KCNC2: variants seen among roughly 807,000 people sequenced by gnomAD.
KCNC2 encodes the protein potassium voltage-gated channel subfamily C member 2.
In KCNC2, 21 loss-of-function variants were observed where a neutral mutation model predicts 44.5. The ratio of observed to expected loss-of-function variants is 0.47; its 90% CI spans 0.33 to 0.68. The LOEUF (loss-of-function observed/expected upper bound fraction) is 0.68. Among genes scored for constraint, KCNC2 ranks in the 30% least tolerant of loss-of-function variants. The pLI is 0.01. For missense variants in KCNC2, 589 were observed against 826.2 expected (o/e 0.71, Z 3.52); for synonymous variants, 391 against 339.1 (o/e 1.15, Z -1.68).
intron 2 of KCNC2, among the ~76,000 whole-genome samples, chr12:75,177,865 A>G (rs1162944295): frequency 1.3e-5 from 2 of 152,128 alleles, no homozygotes; most frequent in South Asian, 2.1e-4. Context: ...ACATCTGTGT[A>G]AAAAGAATGG....
At chr12:75,179,451 A>G (rs1473463143) in intron 2 of KCNC2, among the ~76,000 whole-genome samples, 1 of 151,860 alleles carries the variant, frequency 6.6e-6, no homozygotes, top group Non-Finnish European at 1.5e-5. Context: ...GAAAAATCTC[A>G]TGTGATTGGA....
intron 2 of KCNC2, among the ~76,000 whole-genome samples, chr12:75,059,256 T>C (rs1413423819): frequency 6.6e-6 from 1 of 152,138 alleles, no homozygotes; most frequent in African/African-American, 2.4e-5. Context: ...AAGTTAACTA[T>C]ATCAACTGCT....
chr12:75,208,359 C>A (rs1465034618), intron 1 of KCNC2, among the ~76,000 whole-genome samples: 2 of 151,506 alleles, frequency 1.3e-5, no homozygotes, highest in East Asian at 3.9e-4. Flanking sequence ...CTGCTCCCAG[C>A]CCCTAACCCC....
chr12:75,047,319 G>A (rs1880640901), intron 4 of KCNC2, among the ~76,000 whole-genome samples: 1 of 151,902 alleles, frequency 6.6e-6, no homozygotes, highest in Non-Finnish European at 1.5e-5. Flanking sequence ...TTTACCAAAA[G>A]GGAATAAAAA....
At chr12:75,090,323 T>G (rs1171540793) in intron 2 of KCNC2, among the ~76,000 whole-genome samples, 1 of 151,650 alleles carries the variant, frequency 6.6e-6, no homozygotes, top group East Asian at 1.9e-4. Context: ...TTTTTCCTCT[T>G]CCTTCTCTTC....
At chr12:75,060,095 G>C (rs7970507) in intron 2 of KCNC2, among the ~76,000 whole-genome samples, 1 of 152,066 alleles carries the variant, frequency 6.6e-6, no homozygotes, top group African/African-American at 2.4e-5. Flanking sequence ...TCAAGAGAAC[G>C]TCAATTTACA....
chr12:75,119,076 G>A (rs1488948752), intron 2 of KCNC2, among the ~76,000 whole-genome samples: 1 of 152,094 alleles, frequency 6.6e-6, no homozygotes, highest in Non-Finnish European at 1.5e-5. Context: ...ATAAAACAAC[G>A]AACCAATTAA....
At chr12:75,115,462 T>A (rs1887591109) in intron 2 of KCNC2, among the ~76,000 whole-genome samples, 1 of 152,202 alleles carries the variant, frequency 6.6e-6, no homozygotes, top group African/African-American at 2.4e-5. Flanking sequence ...CTAAATTTCA[T>A]CTACTTCATT....
intron 2 of KCNC2, among the ~76,000 whole-genome samples, chr12:75,087,181 A>G (rs1292104249): frequency 1.3e-5 from 2 of 152,114 alleles, no homozygotes; most frequent in African/African-American, 4.8e-5. Flanking sequence ...TGTTCCTATA[A>G]GCCAAATGTG....
chr12:75,051,778 C>G (rs1054149808), intron 2 of KCNC2, among the ~76,000 whole-genome samples: 1 of 151,830 alleles, frequency 6.6e-6, no homozygotes, highest in African/African-American at 2.4e-5. Flanking sequence ...CCAAATTTAA[C>G]TGTAGATTTG....
In KCNC2 at chr12:75,050,471, C is replaced by A; in HGVS notation, c.1534G>T (p.Glu512Ter). The part of the protein sequence containing the change: ...QASSPTFCKT[E>*]LNMACNSTQS... ...GTACTATTGCAGGCCATATTTAATT[C>A]TGTCTTGCAAAAAGTAGGTGAGCTT... The change falls in exon 3 of 5, where the codon GAA becomes TAA. Residue 512 changes from glutamate (E) to a stop codon, truncating the protein, a stop_gained. Transcript: ENST00000549446. LOFTEE classifies it high-confidence loss of function. The A allele has an allele frequency of 1.2e-6, 2 of 1,613,592 alleles. No homozygotes were observed. Among genetic ancestry groups the A allele is most frequent in the Non-Finnish European group, 1.7e-6 (2 of 1,179,708 alleles).
At chr12:75,178,691 C>A (rs1171396558) in intron 2 of KCNC2, among the ~76,000 whole-genome samples, 1 of 151,948 alleles carries the variant, frequency 6.6e-6, no homozygotes, top group Non-Finnish European at 1.5e-5. Flanking sequence ...TAAAAATTTG[C>A]AGGAGTGCAG....
chr12:75,110,821 G>C (rs760988378), intron 2 of KCNC2, among the ~76,000 whole-genome samples: 7 of 151,938 alleles, frequency 4.6e-5, no homozygotes, highest in Non-Finnish European at 8.8e-5. Context: ...AAATATTCAG[G>C]AGCCAAACAA....
intron 2 of KCNC2, among the ~76,000 whole-genome samples, chr12:75,082,022 G>A (rs1884558785): frequency 6.6e-6 from 1 of 151,890 alleles, no homozygotes; most frequent in Non-Finnish European, 1.5e-5. Flanking sequence ...GTCTAAGCTT[G>A]AACAAGTTGC....
At chr12:75,177,779 A>G (rs575668296) in intron 2 of KCNC2, among the ~76,000 whole-genome samples, 1 of 152,172 alleles carries the variant, frequency 6.6e-6, no homozygotes, top group African/African-American at 2.4e-5. Context: ...ATTTACCTAC[A>G]AGAGAAATGG....
intron 2 of KCNC2, among the ~76,000 whole-genome samples, chr12:75,119,075 C>T (rs1383801212): frequency 3.9e-5 from 6 of 152,260 alleles, no homozygotes; most frequent in Middle Eastern, 3.4e-3. Context: ...AATAAAACAA[C>T]GAACCAATTA....
intron 2 of KCNC2, among the ~76,000 whole-genome samples, chr12:75,085,789 G>A (rs919686545): frequency 2.0e-5 from 3 of 151,744 alleles, no homozygotes; most frequent in African/African-American, 7.3e-5. Context: ...AACTGATTAT[G>A]TTTACTTTCC....
rs1468555188 is a variant in KCNC2 at position 75,095,293 on chromosome 12, ATTCATGGGT to A, written c.688-43985_688-43977del. Among the ~76,000 whole-genome samples, 4 of 151,914 alleles carry A rather than the reference ATTCATGGGT, an allele frequency of 2.6e-5. No individual in the cohort carries two copies. In the South Asian group the frequency reaches 8.3e-4, roughly 31 times the overall value. On this transcript the variant is annotated intron_variant, in intron 2 of 4. Transcript: ENST00000549446. Reference sequence around the variant, plus strand: ...TATTATATTCTCTTAGTTAGATCAAATTCATGGGTTTAGTTGCACAGGGCCCACACACAG... The same window carrying A: ...TATTATATTCTCTTAGTTAGATCAAATTAGTTGCACAGGGCCCACACACAG...
chr12:75,114,789 A>T (rs1490574931), intron 2 of KCNC2, among the ~76,000 whole-genome samples: 1 of 151,616 alleles, frequency 6.6e-6, no homozygotes, highest in Non-Finnish European at 1.5e-5. Context: ...CGTCTTTTAG[A>T]ATACACGGAG....
Sources: gnomAD v4.1 joint callset for allele counts (sites outside exome capture counted in the v4.1 genomes callset) on GRCh38, gnomAD v4.1.1 for gene constraint, MANE v1.5 for transcripts, NCBI Gene and HGNC (gene_info 2026-07-23, HGNC 2026-07-21) for gene names.